The following BMP8B variants were observed in gnomAD, a reference collection of about 807,000 sequenced individuals.
The protein encoded by BMP8B is bone morphogenetic protein 8 (osteogenic protein 2).
Under a neutral mutation model 30.3 loss-of-function variants are expected in BMP8B, and 17 were observed. That is an observed-to-expected ratio of 0.56 (90% CI 0.38 to 0.84). The LOEUF is 0.84. Ranked by LOEUF, BMP8B falls within the 40% of genes least tolerant of loss-of-function variation. The pLI, the probability that BMP8B is intolerant of heterozygous loss-of-function variation, is 0.00. For missense variants in BMP8B, 253 were observed against 494.6 expected (o/e 0.51, Z 4.63); for synonymous variants, 131 against 214.7 (o/e 0.61, Z 3.41).
chr1:39,787,776 G>C (rs926779699), intron 1 of BMP8B, among the ~76,000 whole-genome samples: 6 of 152,184 alleles, frequency 3.9e-5, no homozygotes, highest in African/African-American at 1.4e-4. Context: ...CCTCTCCTCA[G>C]TACTGCCCTT....
At chr1:39,779,396 C>A (rs1650462265) in intron 1 of BMP8B, among the ~76,000 whole-genome samples, 1 of 152,230 alleles carries the variant, frequency 6.6e-6, no homozygotes, top group Non-Finnish European at 1.5e-5. Flanking sequence ...GCTGGGTGCA[C>A]CATGGGGGGT....
At chr1:39,764,332 G>A (rs1213799110) in intron 4 of BMP8B, among the ~76,000 whole-genome samples, 5 of 151,136 alleles carry the variant, frequency 3.3e-5, no homozygotes, top group South Asian at 2.1e-4. Flanking sequence ...GAGGGGCTGC[G>A]GCTCCCAGGG....
intron 1 of BMP8B, among the ~76,000 whole-genome samples, chr1:39,777,856 G>A (rs1310914139): frequency 7.2e-5 from 11 of 152,116 alleles, no homozygotes; most frequent in Non-Finnish European, 1.0e-4. Flanking sequence ...ACCTGCAGAC[G>A]CCTCCCGCAG....
intron 1 of BMP8B, among the ~76,000 whole-genome samples, chr1:39,787,945 C>G (rs1651103096): frequency 6.6e-6 from 1 of 152,198 alleles, no homozygotes; most frequent in Admixed American, 6.5e-5. Flanking sequence ...CCACAGTCCC[C>G]CACACTCTGC....
intron 1 of BMP8B, among the ~76,000 whole-genome samples, chr1:39,779,657 A>G (rs1166843157): frequency 6.6e-6 from 1 of 152,302 alleles, no homozygotes; most frequent in East Asian, 1.9e-4. Flanking sequence ...TGAGGAAGAG[A>G]ACTGAAGAGT....
At chr1:39,781,264 A>G (rs1293527341) in intron 1 of BMP8B, among the ~76,000 whole-genome samples, 3 of 152,042 alleles carry the variant, frequency 2.0e-5, no homozygotes, top group Non-Finnish European at 2.9e-5. Flanking sequence ...CTTCCCCAGA[A>G]CCCTGATGTG....
Position 39,788,185 on chromosome 1 carries a change from G to A in BMP8B, c.301C>T (p.Arg101Cys). 1 of 1,575,902 alleles carries A rather than the reference G, an allele frequency of 6.3e-7. No homozygotes were observed. The highest frequency in any genetic ancestry group is 8.5e-7 in the Non-Finnish European group (1 of 1,170,388). ...ACGAAGCTCATGACCAGGTCGGCGCGGCCCAGGCGCCGCTCCGCGGGCGCG... is the reference window on the plus strand; with the variant it reads ...ACGAAGCTCATGACCAGGTCGGCGCAGCCCAGGCGCCGCTCCGCGGGCGCG... ...DGAPAERRLG[R>C]ADLVMSFVNM... is the part of the protein sequence containing the mutation. The change falls in exon 1 of 7, where the codon CGC becomes TGC. Residue 101 changes from arginine (R) to cysteine (C), a missense_variant. Arg to Cys is a radical substitution (Grantham distance 180). Coordinates refer to ENST00000372827, the MANE Select transcript of BMP8B (RefSeq NM_001720.5). The surrounding 1 kb of genome is among the most constrained non-coding windows in gnomAD (Gnocchi z 5.8).
chr1:39,787,852 G>A (rs1042759103), intron 1 of BMP8B, among the ~76,000 whole-genome samples: 1 of 152,138 alleles, frequency 6.6e-6, no homozygotes, highest in Non-Finnish European at 1.5e-5. Context: ...CTGTCTTCCC[G>A]GGGCAGCCCA....
intron 6 of BMP8B, 125 bp from the exon 7 acceptor site, chr1:39,760,693 CAAT>C (rs1275991575): frequency 1.1e-5 from 14 of 1,260,220 alleles, no homozygotes; most frequent in South Asian, 1.5e-5. Context: ...GGGAGCAGCA[CAAT>C]AATAATAACT....
chr1:39,762,718 C>T (rs1464188194), intron 6 of BMP8B: 22 of 1,446,796 alleles, frequency 1.5e-5, no homozygotes, highest in African/African-American at 8.6e-5. Context: ...GACTTGCCAG[C>T]GTACTCGGCG....
In BMP8B at chr1:39,771,205, G is replaced by A. The variant is rs762961152; in HGVS notation, c.673+3103C>T. 31 of 1,529,998 alleles carry A rather than the reference G, an allele frequency of 2.0e-5. 1 individual carries two copies. The South Asian group carries it at 3.5e-4, about 17-fold the overall frequency. 94.8% of individuals were successfully genotyped at this position (1,529,998 alleles called of 1,614,324 possible). A position where few individuals can be genotyped will look rare whatever the true frequency, so the allele number is the denominator to read the frequency against. ...GGGACAGCGCGAGCCCTGAGCCGCC[G>A]GCGGGGACCCCGCGCCCGAGCACTG... On this transcript the variant is annotated intron_variant, in intron 3 of 6. Coordinates refer to ENST00000372827, the MANE Select transcript of BMP8B (RefSeq NM_001720.5).
At chr1:39,784,444 G>C (rs1207276292) in intron 1 of BMP8B, among the ~76,000 whole-genome samples, 3 of 141,740 alleles carry the variant, frequency 2.1e-5, no homozygotes, top group Admixed American at 1.4e-4. Context: ...TTTCCCGATG[G>C]GGCGTTGCTG....
In BMP8B at chr1:39,763,398, C is replaced by T. The variant is rs770035092; in HGVS notation, c.949-196G>A. Among the ~76,000 whole-genome samples, 82 of 145,160 alleles carry T rather than the reference C, an allele frequency of 5.6e-4. 9 individuals carry two copies. Among genetic ancestry groups the T allele is most frequent in the South Asian group, 8.8e-4 (4 of 4,542 alleles). On this transcript the variant is annotated intron_variant, in intron 5 of 6. Coordinates refer to ENST00000372827, the MANE Select transcript of BMP8B (RefSeq NM_001720.5). ...CTTCACTTTGCGTCCCCTCCCCAGC[C>T]GGCCCTCCCCTGCCCACGCCTCCCA... is the stretch of plus-strand genomic sequence containing the variant.
chr1:39,761,574 G>C (rs1648983826), intron 6 of BMP8B, among the ~76,000 whole-genome samples: 1 of 152,074 alleles, frequency 6.6e-6, no homozygotes, highest in African/African-American at 2.4e-5. Flanking sequence ...CCAGGCCCTA[G>C]GGGAGCCGGC....
At chr1:39,777,444 A>C (rs77889741) in intron 1 of BMP8B, among the ~76,000 whole-genome samples, 1,589 of 152,252 alleles carry the variant, frequency 0.01, 17 homozygotes, top group Non-Finnish European at 0.016. Flanking sequence ...GCCTTGGATA[A>C]AGCAAACTTC....
chr1:39,768,944 T>C lies in BMP8B; in HGVS notation c.674-4127A>G, dbSNP rs1168958596. On this transcript the variant is annotated intron_variant, in intron 3 of 6. Transcript: ENST00000372827. ...CTGTAATCCCAGCACTTTGGGAGGC[T>C]GAGGCAAGTGGATCGCTTGAGCTCA... 2.7e-5 allele frequency among the ~76,000 whole-genome samples: 4 copies of C among 150,704 alleles called. 1 individual carries two copies. Among genetic ancestry groups the C allele is most frequent in the Non-Finnish European group, 5.9e-5 (4 of 67,796 alleles).
chr1:39,778,025 C>T (rs1165895207), intron 1 of BMP8B, among the ~76,000 whole-genome samples: 2 of 152,266 alleles, frequency 1.3e-5, no homozygotes, highest in Non-Finnish European at 2.9e-5. Flanking sequence ...CTCTGGACAG[C>T]GAGCCCTTGG....
At chr1:39,760,940 C>T (rs1436487130) in intron 6 of BMP8B, among the ~76,000 whole-genome samples, 1 of 152,050 alleles carries the variant, frequency 6.6e-6, no homozygotes, top group Non-Finnish European at 1.5e-5. Flanking sequence ...CTGGAAGGAC[C>T]ACTTTCTTCT....
In BMP8B at chr1:39,760,242, G is replaced by A. The variant is rs896781297; in HGVS notation, c.*177C>T. On this transcript the variant is annotated 3_prime_UTR_variant, in exon 7 of 7. Coordinates refer to ENST00000372827, the MANE Select transcript of BMP8B (RefSeq NM_001720.5). Reference sequence around the variant, plus strand: ...AACAGGACAGTCACACAAATGCCTGGCAGGGCAAGGGGAGCATAGGAGCCT... The same window carrying A: ...AACAGGACAGTCACACAAATGCCTGACAGGGCAAGGGGAGCATAGGAGCCT... 11 of 1,083,610 alleles carry A rather than the reference G, an allele frequency of 1.0e-5. No homozygotes were observed. The highest frequency in any genetic ancestry group is 1.4e-5 in the Non-Finnish European group (11 of 777,124). 67.1% of individuals were successfully genotyped at this position (1,083,610 alleles called of 1,614,324 possible).
Sources: allele counts gnomAD v4.1 joint callset (sites outside exome capture counted in the v4.1 genomes callset), GRCh38; gene constraint gnomAD v4.1.1; non-coding constraint Gnocchi (gnomAD v3.1); transcripts MANE v1.5; gene names NCBI Gene and HGNC (gene_info 2026-07-23, HGNC 2026-07-21).